The following SNRPN variants were observed in gnomAD, a reference collection of about 807,000 sequenced individuals.
SNRPN encodes small nuclear ribonucleoprotein-associated protein N.
SNRPN carries 7 observed loss-of-function variants against 25.2 expected under a neutral mutation model. That is an observed-to-expected ratio of 0.28 (90% confidence interval 0.16 to 0.52). The LOEUF is 0.52. Among genes scored for constraint, SNRPN ranks in the 20% least tolerant of loss-of-function variants. The pLI is 0.96. For missense variants in SNRPN, 196 were observed against 322.5 expected (o/e 0.61, Z 3.00); for synonymous variants, 124 against 110.6 (o/e 1.12, Z -0.76).
chr15:24,894,656 T>A (rs1364956166), intron 2 of SNRPN, among the ~76,000 whole-genome samples: 1 of 152,206 alleles, frequency 6.6e-6, no homozygotes, highest in Non-Finnish European at 1.5e-5. Context: ...TTTTTATAAT[T>A]TTTTTCCTAT....
chr15:24,829,541 C>A (rs140157874), intron 1 of SNRPN, among the ~76,000 whole-genome samples: 1 of 151,930 alleles, frequency 6.6e-6, no homozygotes, highest in Non-Finnish European at 1.5e-5. Context: ...GTGAGGGTGC[C>A]GGGCAGCTCA....
At position 24,918,871 on chromosome 15, in the gene SNRPN, AT is replaced by A. The variant is rs1355523346; in HGVS notation, c.-504-1139del. Among the ~76,000 whole-genome samples the A allele has an allele frequency of 3.1e-5, 4 of 129,012 alleles. 1 individual carries two copies. Among genetic ancestry groups the A allele is most frequent in the African/African-American group, 1.2e-4 (4 of 33,982 alleles). The allele number at this position is 129,012 out of a possible 152,430, so 84.6% of individuals were successfully genotyped here. On this transcript the variant is annotated intron_variant, in intron 2 of 11. Coordinates refer to the SNRPN transcript ENST00000400097. ...CGCACATATATATAACAATATATAT[AT>A]GTGCATATATATATAACATAATATA...
chr15:24,912,979 G>A (rs534240253), intron 2 of SNRPN, among the ~76,000 whole-genome samples: 12 of 152,082 alleles, frequency 7.9e-5, no homozygotes, highest in Admixed American at 5.3e-4. Flanking sequence ...TCGCTTTGTC[G>A]CCCAGGCTGG....
chr15:24,878,590 A>G (rs1484425486), intron 1 of SNRPN, among the ~76,000 whole-genome samples: 2 of 152,034 alleles, frequency 1.3e-5, no homozygotes, highest in Admixed American at 1.3e-4. Context: ...GCTTCGTATA[A>G]TTGTTCTGGT....
At chr15:24,840,924 C>T (rs143217685) in intron 2 of SNRPN, among the ~76,000 whole-genome samples, 2 of 152,260 alleles carry the variant, frequency 1.3e-5, no homozygotes, top group East Asian at 1.9e-4. Flanking sequence ...TCTCTCTAAC[C>T]TCCGCCTCCC....
chr15:24,835,422 T>C (rs2051078422), intron 2 of SNRPN, among the ~76,000 whole-genome samples: 1 of 152,118 alleles, frequency 6.6e-6, no homozygotes, highest in South Asian at 2.1e-4. Flanking sequence ...TCACAGCTTA[T>C]CATTTTAGAT....
chr15:24,882,022 GGTAGA>G (rs1198294159), intron 1 of SNRPN, among the ~76,000 whole-genome samples: 1 of 152,126 alleles, frequency 6.6e-6, no homozygotes, highest in African/African-American at 2.4e-5. Context: ...TGCTCTCAGA[GGTAGA>G]CTATGAAGGC....
chr15:24,929,924 A>G lies in SNRPN; in HGVS notation c.-391+9800A>G, dbSNP rs746069898. 6.0e-4 allele frequency among the ~76,000 whole-genome samples: 92 copies of G among 152,258 alleles called. No individual in the cohort carries two copies. The highest frequency in any genetic ancestry group is 6.8e-3 in the Middle Eastern group (2 of 294). Reference sequence around the variant, plus strand: ...AAAAAATGGCCAGGCACGGTGGCTCACACCTATAATCCCAGCACTTTGGGA... The same window carrying G: ...AAAAAATGGCCAGGCACGGTGGCTCGCACCTATAATCCCAGCACTTTGGGA... On this transcript the variant is annotated intron_variant, in intron 3 of 11. Coordinates refer to the SNRPN transcript ENST00000400097. The surrounding 1 kb of genome is among the most constrained non-coding windows in gnomAD (Gnocchi z 5.3).
chr15:24,909,844 G>A (rs547724370), intron 2 of SNRPN: 115 of 951,716 alleles, frequency 1.2e-4, no homozygotes, highest in African/African-American at 8.0e-4. Flanking sequence ...ACAGAGACCC[G>A]CGTCCACAGC....
At chr15:24,918,749 AAT>A (rs1293843386) in intron 2 of SNRPN, among the ~76,000 whole-genome samples, 2 of 72,010 alleles carry the variant, frequency 2.8e-5, no homozygotes, top group South Asian at 1.3e-3. Flanking sequence ...TATATAACAT[AAT>A]ATATATGTGT....
chr15:24,833,719 A>G (rs940624139), intron 2 of SNRPN, among the ~76,000 whole-genome samples: 2 of 151,916 alleles, frequency 1.3e-5, no homozygotes, highest in African/African-American at 4.8e-5. Context: ...GGCAGGAAGC[A>G]GACATTAGGA....
Position 24,910,715 on chromosome 15 carries a change from G to A in SNRPN, c.-504-9296G>A, listed in dbSNP as rs553240404. Among the ~76,000 whole-genome samples, 100 of 152,114 alleles carry A rather than the reference G, an allele frequency of 6.6e-4. 1 individual carries two copies. Among genetic ancestry groups the A allele is most frequent in the Non-Finnish European group, 2.9e-4 (20 of 67,988 alleles). ...TCATCATATTGGCCAGGCTGGTCTC[G>A]AACTCCTGACTTCGTGTTCCACCCA... On this transcript the variant is annotated intron_variant, in intron 2 of 11. Coordinates refer to the SNRPN transcript ENST00000400097.
intron 2 of SNRPN, among the ~76,000 whole-genome samples, chr15:24,903,415 C>T (rs2058593444): frequency 6.6e-6 from 1 of 151,924 alleles, no homozygotes; most frequent in African/African-American, 2.4e-5. Flanking sequence ...GAGGGTTTGG[C>T]AGAGAAAAAA....
chr15:24,849,377 G>T (rs903429708), intron 2 of SNRPN: 2 of 152,176 alleles, frequency 1.3e-5, no homozygotes, highest in African/African-American at 4.8e-5. Flanking sequence ...CCTTCCATTT[G>T]AAGAAGAAAG....
rs573458646 is a variant in SNRPN at position 24,969,826 on chromosome 15, C to T, written c.-144+1744C>T. On this transcript the variant is annotated intron_variant, in intron 3 of 9. Transcript: ENST00000390687. ...GGTTGGTAATATATCTGGACCACTA[C>T]CTGTGTCTATAAATGAAATTTTATT... 2.6e-5 allele frequency among the ~76,000 whole-genome samples: 4 copies of T among 152,286 alleles called. No homozygotes were observed. In the East Asian group the frequency reaches 7.7e-4, roughly 29 times the overall value.
intron 2 of SNRPN, among the ~76,000 whole-genome samples, chr15:24,846,246 A>G (rs147869428): frequency 6.6e-6 from 1 of 152,274 alleles, no homozygotes; most frequent in Admixed American, 6.5e-5. Flanking sequence ...CTCGAAGTAT[A>G]TCACGTTTTT....
At chr15:24,930,426 G>A (rs1364196331) in intron 3 of SNRPN, among the ~76,000 whole-genome samples, 1 of 151,486 alleles carries the variant, frequency 6.6e-6, no homozygotes, top group Non-Finnish European at 1.5e-5. Flanking sequence ...ATTGCCTTCA[G>A]AAATCTGTCT....
At chr15:24,875,811 TG>T (rs1208939748) in intron 1 of SNRPN, among the ~76,000 whole-genome samples, 1 of 152,108 alleles carries the variant, frequency 6.6e-6, no homozygotes, top group Non-Finnish European at 1.5e-5. Flanking sequence ...CCCAGCACTT[TG>T]GGAGGCTGAG....
intron 1 of SNRPN, among the ~76,000 whole-genome samples, chr15:24,877,135 G>A (rs946670916): frequency 6.6e-6 from 1 of 152,166 alleles, no homozygotes; most frequent in African/African-American, 2.4e-5. Context: ...GGGAAAATGT[G>A]AGACAGCCTG....
Sources: allele counts gnomAD v4.1 joint callset (sites outside exome capture counted in the v4.1 genomes callset), GRCh38; gene constraint gnomAD v4.1.1; non-coding constraint Gnocchi (gnomAD v3.1); transcripts MANE v1.5; gene names NCBI Gene and HGNC (gene_info 2026-07-23, HGNC 2026-07-21).